Variants in ZNF14 observed in about 807,000 individuals in gnomAD.
ZNF14 encodes the protein zinc finger protein 14.
Under a neutral mutation model 11.3 loss-of-function variants are expected in ZNF14, and 9 were observed. That is an observed-to-expected ratio of 0.80 (90% confidence interval 0.48 to 1.39). The LOEUF (loss-of-function observed/expected upper bound fraction) is 1.39, where lower values mean the gene tolerates loss of function less well. Among genes scored for constraint, ZNF14 ranks in the 40% most tolerant of loss-of-function variants. The pLI, the probability that ZNF14 is intolerant of heterozygous loss-of-function variation, is 0.00. For synonymous variants in ZNF14, 239 were observed against 245.7 expected, an observed-to-expected ratio of 0.97 and a Z score of 0.25; for missense variants, 711 against 763.9, an observed-to-expected ratio of 0.93 and a Z score of 0.82.
In ZNF14 at chr19:19,723,285, G is replaced by C. The variant is rs533862025; in HGVS notation, c.4-8798C>G. On this transcript the variant is annotated intron_variant, in intron 1 of 3. Transcript: ENST00000344099. The stretch of plus-strand genomic sequence containing the variant: ...CTAGTTTATTGGGAGTTTTTAGCAT[G>C]AAGGAAGGGCTGTTGAATTTTGTTG... 1.8e-3 allele frequency among the ~76,000 whole-genome samples: 279 copies of C among 151,944 alleles called. 1 individual carries two copies. The highest frequency in any genetic ancestry group is 3.4e-3 in the Middle Eastern group (1 of 294).
chr19:19,726,785 A>G (rs1245198570), intron 1 of ZNF14, among the ~76,000 whole-genome samples: 7 of 130,802 alleles, frequency 5.4e-5, no homozygotes, highest in African/African-American at 8.4e-5. Context: ...CTCAGCAATG[A>G]CGGACGCCCC....
chr19:19,711,797 C>A lies in ZNF14; in HGVS notation c.1484G>T (p.Arg495Ile). 1 of 1,612,962 alleles carries A rather than the reference C, an allele frequency of 6.2e-7. No individual in the cohort carries two copies. Among genetic ancestry groups the A allele is most frequent in the Non-Finnish European group, 8.5e-7 (1 of 1,179,434 alleles). ...ATAGGGTTTCTCTCCAGTGTGTGTT[C>A]TTTCATGCAGTCGAAAGGAACTGGA... ...IRSSSFRLHE[R>I]THTGEKPYEC... is the part of the protein sequence containing the mutation. The change falls in exon 4 of 4, where the codon AGA becomes ATA. Residue 495 changes from arginine to isoleucine, a missense_variant. By Grantham distance (97) the Arg-to-Ile change is moderately conservative. Coordinates refer to ENST00000344099, the MANE Select transcript of ZNF14 (RefSeq NM_021030.3).
chr19:19,732,551 G>A (rs778009933), intron 1 of ZNF14, among the ~76,000 whole-genome samples: 1 of 152,238 alleles, frequency 6.6e-6, no homozygotes, highest in Non-Finnish European at 1.5e-5. Flanking sequence ...CAAGGACCTA[G>A]CCAGGCTTCG....
intron 1 of ZNF14, among the ~76,000 whole-genome samples, chr19:19,715,470 C>G (rs746881868): frequency 7.9e-5 from 12 of 152,214 alleles, no homozygotes; most frequent in Non-Finnish European, 1.6e-4. Context: ...GAGCCCCAAA[C>G]AGAGTCAAGC....
chr19:19,721,018 C>T (rs1599470171), intron 1 of ZNF14, among the ~76,000 whole-genome samples: 2 of 152,298 alleles, frequency 1.3e-5, no homozygotes, highest in African/African-American at 4.8e-5. Flanking sequence ...AGCGCAGTGG[C>T]GCGATCTTGG....
chr19:19,727,405 G>A (rs1304458337), intron 1 of ZNF14, among the ~76,000 whole-genome samples: 1 of 131,512 alleles, frequency 7.6e-6, no homozygotes, highest in East Asian at 2.1e-4. Flanking sequence ...CGAAGTGCTG[G>A]GATTATAGGT....
intron 1 of ZNF14, among the ~76,000 whole-genome samples, chr19:19,722,760 T>C (rs1396333128): frequency 6.6e-6 from 1 of 152,216 alleles, no homozygotes. Context: ...GAGCAGTGGT[T>C]TGTAGTTCTC....
Position 19,714,342 on chromosome 19 carries a change from G to A in ZNF14, c.130+19C>T. The A allele has an allele frequency of 6.2e-7, 1 of 1,613,188 alleles. No homozygotes were observed. The highest frequency in any genetic ancestry group is 8.5e-7 in the Non-Finnish European group (1 of 1,179,888). On this transcript the variant is annotated intron_variant, in intron 2 of 3. Coordinates refer to ENST00000344099, the MANE Select transcript of ZNF14 (RefSeq NM_021030.3). ...TGTGTTCTATATTTAACTGAGGAAA[G>A]AAATGTTGATATCCTTACCTAGACA...
chr19:19,724,447 C>T (rs1430679664), intron 1 of ZNF14, among the ~76,000 whole-genome samples: 2 of 133,728 alleles, frequency 1.5e-5, no homozygotes, highest in Non-Finnish European at 1.7e-5. Context: ...GTCTGAGAGA[C>T]AGTTTGTTAT....
intron 1 of ZNF14, among the ~76,000 whole-genome samples, chr19:19,723,616 T>C (rs1355919405): frequency 2.0e-5 from 3 of 147,474 alleles, no homozygotes; most frequent in Non-Finnish European, 4.5e-5. Context: ...TTAGGGAGGA[T>C]TCCCTCTTTT....
chr19:19,715,280 G>A (rs537196433), intron 1 of ZNF14, among the ~76,000 whole-genome samples: 3 of 152,116 alleles, frequency 2.0e-5, no homozygotes, highest in Admixed American at 6.5e-5. Context: ...ATCAACAAAC[G>A]AGAGGCCAGG....
chr19:19,714,144 C>CT lies in ZNF14; in HGVS notation c.137dup (p.Trp47ValfsTer7). 6.2e-7 allele frequency: 1 copy of CT among 1,612,850 alleles called. No homozygotes were observed. ...CATCTTCAATGTCCTGGTCTTCCCA[C>CT]TTTTTTCCTAAAATGCATACCCAGA... is the stretch of plus-strand genomic sequence containing the variant. On this transcript the variant is annotated frameshift_variant, in exon 3 of 4. Coordinates refer to ENST00000344099, the MANE Select transcript of ZNF14 (RefSeq NM_021030.3). LOFTEE classifies it high-confidence loss of function.
At position 19,726,491 on chromosome 19, in the gene ZNF14, C is replaced by T. The variant is rs1428598145; in HGVS notation, c.3+6465G>A. Among the ~76,000 whole-genome samples the T allele has an allele frequency of 2.2e-5, 3 of 133,820 alleles. 1 individual carries two copies. In the East Asian group the frequency reaches 6.3e-4, roughly 28 times the overall value. 87.8% of individuals were successfully genotyped at this position (133,820 alleles called of 152,430 possible). ...CCCGGCTGTATGAGGTGTCAGTTGG[C>T]CCCTATTGGGAGGTGTCTCCCAGTT... On this transcript the variant is annotated intron_variant, in intron 1 of 3. Transcript: ENST00000344099.
In ZNF14 at chr19:19,720,784, C is replaced by A. The variant is rs183504490; in HGVS notation, c.4-6297G>T. The stretch of plus-strand genomic sequence containing the variant: ...ATGAGATACACAATGGAATTTCCAC[C>A]TACCCTATAATCCCACAGCAGCAAG... On this transcript the variant is annotated intron_variant, in intron 1 of 3. Coordinates refer to ENST00000344099, the MANE Select transcript of ZNF14 (RefSeq NM_021030.3). The surrounding 1 kb of genome is among the most constrained non-coding windows in gnomAD (Gnocchi z 4.1). Among the ~76,000 whole-genome samples, 1 of 152,280 alleles carries A rather than the reference C, an allele frequency of 6.6e-6. No individual in the cohort carries two copies. The highest frequency in any genetic ancestry group is 1.5e-5 in the Non-Finnish European group (1 of 68,030).
At chr19:19,730,672 G>T (rs984947417) in intron 1 of ZNF14, among the ~76,000 whole-genome samples, 12 of 152,148 alleles carry the variant, frequency 7.9e-5, no homozygotes, top group African/African-American at 2.4e-4. Flanking sequence ...CAGCACTTTG[G>T]GAAGCTGAGG....
intron 1 of ZNF14, among the ~76,000 whole-genome samples, chr19:19,714,713 CTTTTTT>C (rs3031866): frequency 1.6e-5 from 2 of 122,850 alleles, no homozygotes; most frequent in Non-Finnish European, 3.4e-5. Context: ...TTTTCTTTTT[CTTTTTT>C]TTTTTTTTTT....
rs914779351 is a variant in ZNF14 at position 19,726,686 on chromosome 19, G to A, written c.3+6270C>T. On this transcript the variant is annotated intron_variant, in intron 1 of 3. Transcript: ENST00000344099. The stretch of plus-strand genomic sequence containing the variant: ...TCAGCTATGCCCTGCCCCCAGAGGT[G>A]GAGTCTACAGAGGCAGGCAGGCCTC... 2.2e-5 allele frequency among the ~76,000 whole-genome samples: 3 copies of A among 133,842 alleles called. 1 individual carries two copies. Among genetic ancestry groups the A allele is most frequent in the Non-Finnish European group, 5.0e-5 (3 of 60,154 alleles). The allele number at this position is 133,842 out of a possible 152,430, so 87.8% of individuals were successfully genotyped here.
In ZNF14 at chr19:19,712,127, T is replaced by G. The variant is rs1037944755; in HGVS notation, c.1154A>C (p.His385Pro). Residue 385 changes from histidine to proline, a missense_variant, in exon 4 of 4, where the codon CAT becomes CCT. Transcript: ENST00000344099. Reference sequence around the variant, plus strand: ...ACACTCATAAGGTTTCTCTCCAGTATGAGTTCTTTCATGCAATCGAAGAGA... The same window carrying G: ...ACACTCATAAGGTTTCTCTCCAGTAGGAGTTCTTTCATGCAATCGAAGAGA... Reference protein sequence around the residue: ...SISLRLHERTHTGEKPYECKQ... With the variant: ...SISLRLHERTPTGEKPYECKQ... The G allele has an allele frequency of 6.2e-7, 1 of 1,614,024 alleles. No individual in the cohort carries two copies. The highest frequency in any genetic ancestry group is 2.2e-5 in the East Asian group (1 of 44,868).
Position 19,720,193 on chromosome 19 carries a change from G to A in ZNF14, c.4-5706C>T, listed in dbSNP as rs995101659. The stretch of plus-strand genomic sequence containing the variant: ...ATCCAGCAGGCAGAAAATGAGGAAG[G>A]ACATTGTTGAACTGAACAGTACCAT... On this transcript the variant is annotated intron_variant, in intron 1 of 3. Transcript: ENST00000344099. The surrounding 1 kb of genome is among the most constrained non-coding windows in gnomAD (Gnocchi z 4.1). 6.6e-6 allele frequency among the ~76,000 whole-genome samples: 1 copy of A among 152,110 alleles called. No homozygotes were observed. The highest frequency in any genetic ancestry group is 6.5e-5 in the Admixed American group (1 of 15,272).
Sources: allele counts gnomAD v4.1 joint callset (sites outside exome capture counted in the v4.1 genomes callset), GRCh38; gene constraint gnomAD v4.1.1; non-coding constraint Gnocchi (gnomAD v3.1); transcripts MANE v1.5; gene names NCBI Gene and HGNC (gene_info 2026-07-23, HGNC 2026-07-21).